The following PTPRT variants were observed in gnomAD, a reference collection of about 807,000 sequenced individuals.
PTPRT encodes receptor-type tyrosine-protein phosphatase T.
PTPRT carries 56 observed loss-of-function variants against 176.8 expected under a neutral mutation model. The ratio of observed to expected loss-of-function variants is 0.32; its 90% confidence interval spans 0.26 to 0.40. The LOEUF (loss-of-function observed/expected upper bound fraction) is 0.40. Ranked by LOEUF, PTPRT falls within the 10% of genes least tolerant of loss-of-function variation. The pLI is 1.00. For missense variants in PTPRT, 1,540 were observed against 1,908.2 expected, an observed-to-expected ratio of 0.81 and a Z score of 3.60; for synonymous variants, 783 against 739.0, an observed-to-expected ratio of 1.06 and a Z score of -0.96.
intron 6 of PTPRT, among the ~76,000 whole-genome samples, chr20:42,740,338 G>A (rs2076590010): frequency 6.6e-6 from 1 of 152,276 alleles, no homozygotes; most frequent in South Asian, 2.1e-4. Context: ...GCATTCCAGG[G>A]ACGTGGGCCA....
At chr20:42,988,189 T>C (rs1021341811) in intron 1 of PTPRT, among the ~76,000 whole-genome samples, 1 of 152,126 alleles carries the variant, frequency 6.6e-6, no homozygotes, top group Non-Finnish European at 1.5e-5. Context: ...CCCCAGAGTG[T>C]TGAAAATAGA....
intron 1 of PTPRT, among the ~76,000 whole-genome samples, chr20:42,983,421 A>T (rs1436872245): frequency 6.6e-6 from 1 of 152,178 alleles, no homozygotes; most frequent in Non-Finnish European, 1.5e-5. Context: ...CAGGAAGCTG[A>T]GCAACTTCCC....
chr20:42,573,745 C>T lies in PTPRT; in HGVS notation c.1154-101183G>A, dbSNP rs866423091. On this transcript the variant is annotated intron_variant, in intron 7 of 30. Coordinates refer to ENST00000373187, the MANE Select transcript of PTPRT (RefSeq NM_007050.6). ...AAATGGCAAGACGGACCCTTTCTTTCTTTCTTTTTTTTTTTTTTTTTGAGA... is the reference window on the plus strand; with the variant it reads ...AAATGGCAAGACGGACCCTTTCTTTTTTTCTTTTTTTTTTTTTTTTTGAGA... Among the ~76,000 whole-genome samples, 357 of 115,488 alleles carry T rather than the reference C, an allele frequency of 3.1e-3. 4 individuals carry two copies. The highest frequency in any genetic ancestry group is 0.011 in the African/African-American group (324 of 28,830). The allele number at this position is 115,488 out of a possible 152,430, so 75.8% of individuals were successfully genotyped here. A position where few individuals can be genotyped will look rare whatever the true frequency, so the allele number is the denominator to read the frequency against.
chr20:42,864,832 T>A (rs1441178573), intron 2 of PTPRT, among the ~76,000 whole-genome samples: 3 of 152,216 alleles, frequency 2.0e-5, no homozygotes, highest in African/African-American at 7.2e-5. Flanking sequence ...TATTGCAAAG[T>A]CTAAAAACTT....
At chr20:42,737,557 G>A (rs62205401) in intron 6 of PTPRT, among the ~76,000 whole-genome samples, 13,424 of 151,938 alleles carry the variant, frequency 0.088, 735 homozygotes, top group South Asian at 0.17. Context: ...GCTTGAACCC[G>A]GGAGACGGAG....
intron 9 of PTPRT, among the ~76,000 whole-genome samples, chr20:42,374,495 T>C (rs2145610724): frequency 1.3e-5 from 2 of 152,064 alleles, no homozygotes; most frequent in East Asian, 3.9e-4. Flanking sequence ...TCAAATAATA[T>C]TAAAGGGAAA....
intron 6 of PTPRT, among the ~76,000 whole-genome samples, chr20:42,744,602 T>C (rs999270410): frequency 6.6e-6 from 1 of 151,778 alleles, no homozygotes; most frequent in Admixed American, 6.5e-5. Flanking sequence ...CTAATTGCTG[T>C]AACAAATAAA....
At chr20:42,825,491 T>C (rs1417249876) in intron 2 of PTPRT, among the ~76,000 whole-genome samples, 2 of 152,190 alleles carry the variant, frequency 1.3e-5, no homozygotes, top group African/African-American at 2.4e-5. Context: ...ACAGGACTTA[T>C]AGCTTGCACC....
intron 9 of PTPRT, among the ~76,000 whole-genome samples, chr20:42,364,547 C>T (rs893594086): frequency 1.2e-4 from 19 of 152,014 alleles, no homozygotes; most frequent in African/African-American, 4.3e-4. Flanking sequence ...TTGGTTAAAA[C>T]GATCATTTAT....
At chr20:42,428,266 C>T (rs1395023348) in intron 9 of PTPRT, among the ~76,000 whole-genome samples, 1 of 152,230 alleles carries the variant, frequency 6.6e-6, no homozygotes, top group African/African-American at 2.4e-5. Flanking sequence ...CTTACAGTCA[C>T]TGGGTTCACC....
rs371101240 is a variant in PTPRT, at chr20:42,820,249, T to C, written c.215-28783A>G. ...GACCACAGGGCAATCAAATTAGAAC[T>C]CAGGATTAAGAAACTCACTGAAAAC... On this transcript the variant is annotated intron_variant, in intron 2 of 30. Coordinates refer to ENST00000373187, the MANE Select transcript of PTPRT (RefSeq NM_007050.6). Among the ~76,000 whole-genome samples the C allele has an allele frequency of 1.5e-4, 23 of 152,210 alleles. No homozygotes were observed. The East Asian group carries it at 2.9e-3, about 19-fold the overall frequency.
At chr20:42,706,175 CTG>C (rs1555902039) in intron 6 of PTPRT, among the ~76,000 whole-genome samples, 2 of 109,280 alleles carry the variant, frequency 1.8e-5, no homozygotes, top group East Asian at 3.2e-4. Flanking sequence ...CTCTCTCTCT[CTG>C]TTTGTGTGTG....
chr20:42,219,333 G>A (rs2055833314), intron 15 of PTPRT, among the ~76,000 whole-genome samples: 1 of 152,124 alleles, frequency 6.6e-6, no homozygotes, highest in Non-Finnish European at 1.5e-5. Flanking sequence ...AGAGGACTGG[G>A]GAGACCTGGA....
chr20:42,662,190 T>A (rs1377075157), intron 7 of PTPRT, among the ~76,000 whole-genome samples: 1 of 152,204 alleles, frequency 6.6e-6, no homozygotes, highest in African/African-American at 2.4e-5. Context: ...GTTAAGAGCC[T>A]ACTTCGTTCC....
intron 7 of PTPRT, among the ~76,000 whole-genome samples, chr20:42,588,013 A>T (rs150848652): frequency 3.9e-4 from 59 of 152,296 alleles, no homozygotes; most frequent in African/African-American, 1.4e-3. Context: ...AGCTCACAGT[A>T]GATAGAGTTC....
intron 1 of PTPRT, among the ~76,000 whole-genome samples, chr20:43,104,657 G>A (rs1200803981): frequency 6.6e-6 from 1 of 152,226 alleles, no homozygotes; most frequent in Non-Finnish European, 1.5e-5. Context: ...CATTGGGAAT[G>A]CTTTTGCTCT....
At chr20:42,442,069 G>C (rs536795174) in intron 9 of PTPRT, among the ~76,000 whole-genome samples, 41 of 152,338 alleles carry the variant, frequency 2.7e-4, no homozygotes, top group African/African-American at 9.9e-4. Flanking sequence ...TGAGTGGTCA[G>C]TGCAGCAAAG....
intron 1 of PTPRT, among the ~76,000 whole-genome samples, chr20:43,163,084 G>C (rs2014743629): frequency 6.6e-6 from 1 of 152,210 alleles, no homozygotes; most frequent in East Asian, 1.9e-4. Flanking sequence ...GAAGAGAGCG[G>C]AGATAGCTGC....
chr20:43,037,649 G>GT (rs371756335), intron 1 of PTPRT, among the ~76,000 whole-genome samples: 363 of 151,412 alleles, frequency 2.4e-3, no homozygotes, highest in African/African-American at 5.3e-3. Context: ...TCTGAAACCT[G>GT]TTTTTTTTTG....
Sources: gnomAD v4.1 joint callset for allele counts (sites outside exome capture counted in the v4.1 genomes callset) on GRCh38, gnomAD v4.1.1 for gene constraint, MANE v1.5 for transcripts, NCBI Gene and HGNC (gene_info 2026-07-23, HGNC 2026-07-21) for gene names.